Variants in NDST3 observed in about 807,000 individuals in gnomAD.
The protein encoded by NDST3 is bifunctional heparan sulfate N-deacetylase/N-sulfotransferase 3.
NDST3 carries 58 observed loss-of-function variants against 96.1 expected under a neutral mutation model. The observed-to-expected ratio is 0.60, with a 90% confidence interval of 0.49 to 0.75. The LOEUF (loss-of-function observed/expected upper bound fraction) is 0.75, where lower values mean the gene tolerates loss of function less well. NDST3 is among the 30% of genes least tolerant of loss of function. NDST3 has a pLI of 0.00. For synonymous variants in NDST3, 333 were observed against 359.7 expected (o/e 0.93, Z 0.84); for missense variants, 788 against 1,034.2 (o/e 0.76, Z 3.27).
At chr4:118,155,742 C>A (rs1734672836) in intron 6 of NDST3, among the ~76,000 whole-genome samples, 1 of 152,030 alleles carries the variant, frequency 6.6e-6, no homozygotes, top group African/African-American at 2.4e-5. Flanking sequence ...TTCCAAGAAC[C>A]TACCAATAAC....
chr4:118,252,666 G>A (rs1298389877), intron 12 of NDST3, among the ~76,000 whole-genome samples: 5 of 152,152 alleles, frequency 3.3e-5, no homozygotes, highest in African/African-American at 7.2e-5. Flanking sequence ...TGAGACAGGC[G>A]GATCACCTGA....
At chr4:118,112,311 T>G (rs1730703986) in intron 3 of NDST3, among the ~76,000 whole-genome samples, 1 of 151,956 alleles carries the variant, frequency 6.6e-6, no homozygotes. Context: ...TAAAAAAACA[T>G]GAATAAAGGG....
At chr4:118,156,624 G>C (rs760712160) in intron 6 of NDST3, among the ~76,000 whole-genome samples, 1 of 150,496 alleles carries the variant, frequency 6.6e-6, no homozygotes, top group Non-Finnish European at 1.5e-5. Flanking sequence ...TGATTACAGA[G>C]GGTTTGAGTA....
intron 2 of NDST3, among the ~76,000 whole-genome samples, chr4:118,081,443 A>T (rs1480293663): frequency 6.6e-6 from 1 of 152,164 alleles, no homozygotes; most frequent in African/African-American, 2.4e-5. Flanking sequence ...AGATCTGTTG[A>T]TACAAAAGTA....
chr4:118,170,665 A>G (rs112615962), intron 6 of NDST3, among the ~76,000 whole-genome samples: 2,942 of 152,102 alleles, frequency 0.019, 38 homozygotes, highest in South Asian at 0.033. Context: ...GGTGGTGGAG[A>G]TTGCAGTGAG....
chr4:118,075,438 A>G (rs984034652), intron 2 of NDST3, among the ~76,000 whole-genome samples: 7 of 152,120 alleles, frequency 4.6e-5, no homozygotes, highest in African/African-American at 1.2e-4. Flanking sequence ...GGGTCAAATG[A>G]TATTTCTAGT....
intron 6 of NDST3, among the ~76,000 whole-genome samples, chr4:118,157,266 A>G (rs1734771787): frequency 1.3e-5 from 2 of 152,040 alleles, no homozygotes; most frequent in Admixed American, 1.3e-4. Flanking sequence ...AAAAATAATA[A>G]AAGTGTTTTG....
At chr4:118,146,775 A>G (rs34293412) in intron 6 of NDST3, among the ~76,000 whole-genome samples, 2 of 152,194 alleles carry the variant, frequency 1.3e-5, no homozygotes, top group African/African-American at 2.4e-5. Context: ...AGCTGGATGC[A>G]GGGGTTTTGA....
chr4:118,109,614 G>A (rs1021261017), intron 3 of NDST3, among the ~76,000 whole-genome samples: 2 of 152,192 alleles, frequency 1.3e-5, no homozygotes, highest in South Asian at 2.1e-4. Flanking sequence ...TGTATAATAT[G>A]AGAGTTTCCA....
At chr4:118,239,903 T>G (rs1174796873) in intron 10 of NDST3, among the ~76,000 whole-genome samples, 2 of 145,864 alleles carry the variant, frequency 1.4e-5, no homozygotes, top group African/African-American at 5.3e-5. Flanking sequence ...GTTGGATTGC[T>G]GCTTTCTGCA....
At chr4:118,055,905 C>T (rs1725398569) in intron 2 of NDST3, among the ~76,000 whole-genome samples, 1 of 151,738 alleles carries the variant, frequency 6.6e-6, no homozygotes, top group Non-Finnish European at 1.5e-5. Flanking sequence ...GCTAAGAATA[C>T]CAGAAGGACC....
At chr4:118,090,350 G>A (rs1728765414) in intron 2 of NDST3, among the ~76,000 whole-genome samples, 1 of 151,946 alleles carries the variant, frequency 6.6e-6, no homozygotes, top group Non-Finnish European at 1.5e-5. Flanking sequence ...TGTTTAGGAG[G>A]CATTTGTAAA....
At chr4:118,235,409 A>T (rs1018890870) in intron 9 of NDST3, among the ~76,000 whole-genome samples, 1 of 152,210 alleles carries the variant, frequency 6.6e-6, no homozygotes, top group Non-Finnish European at 1.5e-5. Context: ...ACATATAGGC[A>T]AACAAGAGCT....
intron 6 of NDST3, among the ~76,000 whole-genome samples, chr4:118,144,628 C>T (rs2125907923): frequency 6.6e-6 from 1 of 152,140 alleles, no homozygotes; most frequent in East Asian, 1.9e-4. Flanking sequence ...ATTTTATTTC[C>T]CTTTTGAAAA....
intron 6 of NDST3, among the ~76,000 whole-genome samples, chr4:118,165,486 A>T (rs1348298377): frequency 6.6e-6 from 1 of 152,120 alleles, no homozygotes; most frequent in African/African-American, 2.4e-5. Context: ...AGTAGAAGAT[A>T]GCATCCTACT....
At chr4:118,156,182 A>G (rs1323623670) in intron 6 of NDST3, among the ~76,000 whole-genome samples, 2 of 152,136 alleles carry the variant, frequency 1.3e-5, no homozygotes, top group African/African-American at 4.8e-5. Flanking sequence ...AGAATAATTC[A>G]TAGTACCTTG....
At chr4:118,148,047 T>A (rs567644757) in intron 6 of NDST3, among the ~76,000 whole-genome samples, 2 of 152,148 alleles carry the variant, frequency 1.3e-5, no homozygotes, top group Non-Finnish European at 2.9e-5. Flanking sequence ...GCCTGTAATG[T>A]CAGCACTTTG....
chr4:118,067,256 T>C (rs895358591), intron 2 of NDST3, among the ~76,000 whole-genome samples: 2 of 152,030 alleles, frequency 1.3e-5, no homozygotes, highest in Non-Finnish European at 2.9e-5. Context: ...TGAAAACCCA[T>C]TTTAACTCTA....
At chr4:118,177,838 G>A (rs1736368091) in intron 6 of NDST3, among the ~76,000 whole-genome samples, 3 of 151,940 alleles carry the variant, frequency 2.0e-5, no homozygotes, top group African/African-American at 7.2e-5. Flanking sequence ...TTTCCTGGAT[G>A]ATCATGATTC....
Sources: allele counts gnomAD v4.1 joint callset (sites outside exome capture counted in the v4.1 genomes callset), GRCh38; gene constraint gnomAD v4.1.1; transcripts MANE v1.5; gene names NCBI Gene and HGNC (gene_info 2026-07-23, HGNC 2026-07-21).